Variants in PCDHGB2 observed in about 807,000 individuals in gnomAD.
The protein encoded by PCDHGB2 is protocadherin gamma subfamily B, 2, also known as protocadherin gamma-B2.
A neutral mutation model predicts 59.3 loss-of-function variants in PCDHGB2; 55 were observed. That is an observed-to-expected ratio of 0.93 (90% CI 0.75 to 1.16). The LOEUF (loss-of-function observed/expected upper bound fraction) is 1.16, where lower values mean the gene tolerates loss of function less well. Among genes scored for constraint, PCDHGB2 ranks in the 50% most tolerant of loss-of-function variants. The pLI is 0.00. For missense variants in PCDHGB2, 1,228 were observed against 1,198.5 expected, an observed-to-expected ratio of 1.02 and a Z score of -0.36; for synonymous variants, 516 against 512.0, an observed-to-expected ratio of 1.01 and a Z score of -0.11.
intron 1 of PCDHGB2, among the ~76,000 whole-genome samples, chr5:141,437,807 G>T (rs910427301): frequency 6.7e-6 from 1 of 149,476 alleles, no homozygotes; most frequent in Non-Finnish European, 1.5e-5. Flanking sequence ...GCACTATCTT[G>T]GCTCACTGCA....
chr5:141,399,797 G>T, intron 1 of PCDHGB2: 2 of 1,613,192 alleles, frequency 1.2e-6, no homozygotes, highest in Non-Finnish European at 8.5e-7. Context: ...AACGCACCGC[G>T]GGTGCTGTAC....
chr5:141,397,625 G>A (rs558654986), intron 1 of PCDHGB2, among the ~76,000 whole-genome samples: 2 of 152,338 alleles, frequency 1.3e-5, no homozygotes, highest in South Asian at 4.1e-4. Flanking sequence ...CTTAGTTCTA[G>A]CTAAGAGTTC....
Position 141,489,381 on chromosome 5 carries a change from T to C in PCDHGB2, c.2422-5426T>C. 3 of 1,613,894 alleles carry C rather than the reference T, an allele frequency of 1.9e-6. No individual in the cohort carries two copies. The highest frequency in any genetic ancestry group is 2.5e-6 in the Non-Finnish European group (3 of 1,179,802). On this transcript the variant is annotated intron_variant, in intron 1 of 3. Coordinates refer to ENST00000522605, the MANE Select transcript of PCDHGB2 (RefSeq NM_018923.3). The surrounding 1 kb of genome is among the most constrained non-coding windows in gnomAD (Gnocchi z 4.5). ...CTGAGCCGGGGACGCTGGTGGGGAA[T>C]GTTGCTCAGGATCTGGGCTTAAAGA...
At chr5:141,427,683 G>A (rs761750638) in intron 1 of PCDHGB2, 3 of 836,052 alleles carry the variant, frequency 3.6e-6, no homozygotes, top group South Asian at 2.8e-5. Flanking sequence ...CCTTCCCGGA[G>A]CCTCCATCCC....
Position 141,360,957 on chromosome 5 carries a change from C to G in PCDHGB2, c.822C>G (p.Asn274Lys). ...CCACCGACCGGGATGAAGGCATAAA[C>G]GCAGAGATCACCTACTCCTTTCATA... ...VTATDRDEGI[N>K]AEITYSFHNV... The change falls in exon 1 of 4, where the codon AAC becomes AAG. Residue 274 changes from asparagine to lysine, a missense_variant. Physicochemically the swap from Asn to Lys is moderately conservative, Grantham distance 94. Around this residue, in one of 3 missense-constraint regions of PCDHGB2, gnomAD observed 781 missense variants for 721.6 expected, o/e 1.08. Coordinates refer to ENST00000522605, the MANE Select transcript of PCDHGB2 (RefSeq NM_018923.3). 1.2e-6 allele frequency: 2 copies of G among 1,613,904 alleles called. No homozygotes were observed. The highest frequency in any genetic ancestry group is 1.7e-6 in the Non-Finnish European group (2 of 1,179,872).
chr5:141,384,352 G>T, intron 1 of PCDHGB2: 1 of 1,613,842 alleles, frequency 6.2e-7, no homozygotes, highest in Non-Finnish European at 8.5e-7. Flanking sequence ...TGAGGATAAT[G>T]CCCAGATCAC....
In PCDHGB2 at chr5:141,511,351, C is replaced by A. The variant is rs1190324197; in HGVS notation, c.*178C>A. 11 of 1,386,432 alleles carry A rather than the reference C, an allele frequency of 7.9e-6. No individual in the cohort carries two copies. Among genetic ancestry groups the A allele is most frequent in the South Asian group, 4.5e-5 (3 of 67,158 alleles). The allele number at this position is 1,386,432 out of a possible 1,614,324, so 85.9% of individuals were successfully genotyped here. On this transcript the variant is annotated 3_prime_UTR_variant, in exon 4 of 4. Transcript: ENST00000522605. ...CCAGTCAGCACCTACCCCTTCCCCC[C>A]CAGGGGGTTGAATATGCAAAAGCAG...
chr5:141,375,025 TTA>T (rs778119379), intron 1 of PCDHGB2: 2 of 1,614,042 alleles, frequency 1.2e-6, no homozygotes, highest in East Asian at 4.5e-5. Flanking sequence ...ACTCGAGTTT[TTA>T]TGAGCTGGGT....
chr5:141,400,011 G>A (rs200842238), intron 1 of PCDHGB2: 35 of 1,612,624 alleles, frequency 2.2e-5, no homozygotes, highest in African/African-American at 4.0e-5. Context: ...CGCGTGCCTT[G>A]GGCGACAGGG....
chr5:141,422,842 G>A (rs756990417), intron 1 of PCDHGB2: 5 of 1,614,228 alleles, frequency 3.1e-6, no homozygotes, highest in South Asian at 1.1e-5. Flanking sequence ...ACGTGACAGC[G>A]GGGACCCGCC....
At chr5:141,466,510 AT>A (rs1222513096) in intron 1 of PCDHGB2, among the ~76,000 whole-genome samples, 1 of 151,938 alleles carries the variant, frequency 6.6e-6, no homozygotes, top group Non-Finnish European at 1.5e-5. Context: ...AGACAAGATC[AT>A]TTTTTTTCCT....
chr5:141,459,529 G>A (rs1201996126), intron 1 of PCDHGB2, among the ~76,000 whole-genome samples: 2 of 152,134 alleles, frequency 1.3e-5, no homozygotes, highest in African/African-American at 2.4e-5. Context: ...ATTTTTGTAG[G>A]CATATTTTTT....
In PCDHGB2 at chr5:141,489,255, A is replaced by G. The variant is rs909780010; in HGVS notation, c.2422-5552A>G. 2 of 1,548,804 alleles carry G rather than the reference A, an allele frequency of 1.3e-6. No individual in the cohort carries two copies. Among genetic ancestry groups the G allele is most frequent in the Non-Finnish European group, 1.7e-6 (2 of 1,147,848 alleles). On this transcript the variant is annotated intron_variant, in intron 1 of 3. Coordinates refer to ENST00000522605, the MANE Select transcript of PCDHGB2 (RefSeq NM_018923.3). The surrounding 1 kb of genome is among the most constrained non-coding windows in gnomAD (Gnocchi z 4.5). ...ACTTCTGGGTCATGGGGCCCAAGAC[A>G]CTCCCACAGCTCGCTGGGAAATGGC...
At chr5:141,420,245 G>T (rs72790042) in intron 1 of PCDHGB2, 1 of 1,584,230 alleles carries the variant, frequency 6.3e-7, no homozygotes, top group East Asian at 2.2e-5. Flanking sequence ...AACTCCCAGC[G>T]TTGAAGCAGA....
intron 1 of PCDHGB2, chr5:141,478,165 C>A: frequency 1.2e-6 from 2 of 1,614,038 alleles, no homozygotes; most frequent in Non-Finnish European, 1.7e-6. Context: ...GCTCTGCCCC[C>A]CGGGAGCAGA....
intron 1 of PCDHGB2, among the ~76,000 whole-genome samples, chr5:141,471,744 A>G (rs2099263733): frequency 6.6e-6 from 1 of 152,208 alleles, no homozygotes; most frequent in South Asian, 2.1e-4. Context: ...GAGACATAAC[A>G]TATTTGAGGG....
chr5:141,475,547 G>A (rs2099364977), intron 1 of PCDHGB2, among the ~76,000 whole-genome samples: 1 of 152,176 alleles, frequency 6.6e-6, no homozygotes, highest in Non-Finnish European at 1.5e-5. Context: ...AGTAGGGTCC[G>A]GCTAATTGTC....
chr5:141,374,160 C>T, intron 1 of PCDHGB2: 1 of 1,612,164 alleles, frequency 6.2e-7, no homozygotes, highest in Non-Finnish European at 8.5e-7. Context: ...CTGTGGGGGG[C>T]CGCGGCAGCG....
Position 141,394,592 on chromosome 5 carries a change from G to A in PCDHGB2, c.2421+32036G>A, listed in dbSNP as rs754585576. The A allele has an allele frequency of 3.3e-4, 534 of 1,613,642 alleles. 1 individual carries two copies. Among genetic ancestry groups the A allele is most frequent in the Non-Finnish European group, 4.3e-4 (502 of 1,180,046 alleles). On this transcript the variant is annotated intron_variant, in intron 1 of 3. Coordinates refer to ENST00000522605, the MANE Select transcript of PCDHGB2 (RefSeq NM_018923.3). ...GCTACCTGGTGACCAAGGTGGTGGC[G>A]GTGGACAGAGACTCGGGCCAGAACG...
Sources: allele counts gnomAD v4.1 joint callset (sites outside exome capture counted in the v4.1 genomes callset), GRCh38; gene constraint gnomAD v4.1.1; regional missense constraint gnomAD v4.1.1; non-coding constraint Gnocchi (gnomAD v3.1); transcripts MANE v1.5; gene names NCBI Gene and HGNC (gene_info 2026-07-23, HGNC 2026-07-21).